The following MMP26 variants were observed in gnomAD, a reference collection of about 807,000 sequenced individuals.
MMP26 encodes matrix metalloproteinase-26.
MMP26 carries 33 observed loss-of-function variants against 31.0 expected under a neutral mutation model. That is an observed-to-expected ratio of 1.06 (90% CI 0.81 to 1.42). The LOEUF is 1.42. Among genes scored for constraint, MMP26 ranks in the 40% most tolerant of loss-of-function variants. MMP26 has a pLI of 0.00. For synonymous variants in MMP26, 122 were observed against 114.9 expected, an observed-to-expected ratio of 1.06 and a Z score of -0.40; for missense variants, 347 against 316.1, an observed-to-expected ratio of 1.10 and a Z score of -0.74.
Position 4,730,404 on chromosome 11 carries a change from A to AAGAGACAGAGAGAGAGAGAGAGAGAGAG in MMP26, c.-217+25364_-217+25365insCAGAGAGAGAGAGAGAGAGAGAGAGAGA, listed in dbSNP as rs141091963. On this transcript the variant is annotated intron_variant, in intron 1 of 7. Transcript: ENST00000380390. ...TATTTTAACACTTAGGTTTCTGGGA[A>AAGAGACAGAGAGAGAGAGAGAGAGAGAG]AGAGAGAGAGAGAGAGAGAGAGAGA... is the stretch of plus-strand genomic sequence containing the variant. Among the ~76,000 whole-genome samples the AAGAGACAGAGAGAGAGAGAGAGAGAGAG allele has an allele frequency of 1.9e-3, 277 of 145,028 alleles. 2 individuals carry two copies. Among genetic ancestry groups the AAGAGACAGAGAGAGAGAGAGAGAGAGAG allele is most frequent in the African/African-American group, 7.0e-3 (267 of 38,172 alleles).
intron 1 of MMP26, among the ~76,000 whole-genome samples, chr11:4,746,877 A>ACACACAC (rs59771619): frequency 2.1e-5 from 3 of 144,536 alleles, no homozygotes; most frequent in African/African-American, 5.0e-5. Context: ...ACACACACAC[A>ACACACAC]AAGGCTATAC....
At chr11:4,707,554 C>T (rs1847796546) in intron 1 of MMP26, among the ~76,000 whole-genome samples, 1 of 152,142 alleles carries the variant, frequency 6.6e-6, no homozygotes, top group African/African-American at 2.4e-5. Flanking sequence ...ATTACTTGCT[C>T]TCCACTTCAA....
chr11:4,866,893 G>A (rs1225750812), intron 2 of MMP26, among the ~76,000 whole-genome samples: 1 of 152,070 alleles, frequency 6.6e-6, no homozygotes, highest in Non-Finnish European at 1.5e-5. Context: ...GCAGAAAACT[G>A]AAACTGGACC....
intron 2 of MMP26, chr11:4,769,536 T>C (rs1298807931): frequency 6.2e-7 from 1 of 1,613,818 alleles, no homozygotes; most frequent in East Asian, 2.2e-5. Context: ...GGGTCACAGA[T>C]GGCCACATAA....
chr11:4,820,059 C>A lies in MMP26; in HGVS notation c.-145+52718C>A, dbSNP rs181895680. On this transcript the variant is annotated intron_variant, in intron 2 of 7. Coordinates refer to ENST00000380390, the MANE Select transcript of MMP26 (RefSeq NM_021801.5). The stretch of plus-strand genomic sequence containing the variant: ...GAATTAACATTTGACACATCAAACT[C>A]CCCTCCAAAGATACCACACGGACCA... Among the ~76,000 whole-genome samples the A allele has an allele frequency of 5.8e-3, 890 of 152,288 alleles. 4 individuals carry two copies. The highest frequency in any genetic ancestry group is 0.014 in the Middle Eastern group (4 of 294).
At position 4,723,137 on chromosome 11, in the gene MMP26, T is replaced by C. The variant is rs1848039447; in HGVS notation, c.-217+18092T>C. 4.4e-6 allele frequency: 7 copies of C among 1,594,292 alleles called. No homozygotes were observed. In the Admixed American group the frequency reaches 1.0e-4, roughly 23 times the overall value. ...GGCCTCCAGCTCGGACAGCTTGGAG[T>C]TGGCATCCTTAATGGCCAGCTCCCC... On this transcript the variant is annotated intron_variant, in intron 1 of 7. Transcript: ENST00000380390.
intron 2 of MMP26, chr11:4,914,552 C>G (rs1045371323): frequency 3.5e-6 from 2 of 567,094 alleles, no homozygotes; most frequent in Non-Finnish European, 6.3e-6. Context: ...TTACCCCCCC[C>G]TGCCCTGGCC....
intron 2 of MMP26, chr11:4,924,043 A>G (rs754739102): frequency 1.3e-5 from 21 of 1,614,036 alleles, no homozygotes; most frequent in Non-Finnish European, 1.6e-5. Context: ...GCTGAGTGAA[A>G]CAGGCAGGGA....
chr11:4,977,063 TTATC>T (rs1193679841), intron 2 of MMP26, among the ~76,000 whole-genome samples: 2 of 151,722 alleles, frequency 1.3e-5, no homozygotes, highest in East Asian at 3.9e-4. Context: ...TTTTTAAATT[TTATC>T]TATTAGTCTG....
chr11:4,923,842 C>T (rs1468903205), intron 2 of MMP26: 26 of 1,613,948 alleles, frequency 1.6e-5, no homozygotes, highest in Non-Finnish European at 2.2e-5. Context: ...ATTGGAAGCG[C>T]TTCAGGAGGA....
chr11:4,776,507 C>T (rs1249439476), intron 2 of MMP26, among the ~76,000 whole-genome samples: 1 of 152,020 alleles, frequency 6.6e-6, no homozygotes, highest in Non-Finnish European at 1.5e-5. Context: ...GATTATATCT[C>T]ATTGTGGCTT....
chr11:4,716,648 C>T (rs1244763642), intron 1 of MMP26, among the ~76,000 whole-genome samples: 2 of 61,478 alleles, frequency 3.3e-5, no homozygotes, highest in African/African-American at 1.1e-4. Flanking sequence ...TCTCTCTTAC[C>T]TCTTTTTTTT....
chr11:4,988,084 C>T lies in MMP26; in HGVS notation c.-128C>T. 1.3e-6 allele frequency: 1 copy of T among 797,310 alleles called. No individual in the cohort carries two copies. Among genetic ancestry groups the T allele is most frequent in the Non-Finnish European group, 2.2e-6 (1 of 450,508 alleles). 49.4% of individuals were successfully genotyped at this position (797,310 alleles called of 1,614,324 possible). A position where few individuals can be genotyped will look rare whatever the true frequency, so the allele number is the denominator to read the frequency against. ...CCTCAGCAGGTATGGATGATGACGC[C>T]ACTCACAGATTCAAAGAAAGGGCAA... is the stretch of plus-strand genomic sequence containing the variant. On this transcript the variant is annotated 5_prime_UTR_variant, in exon 3 of 8. Coordinates refer to ENST00000380390, the MANE Select transcript of MMP26 (RefSeq NM_021801.5).
chr11:4,795,552 G>A lies in MMP26; in HGVS notation c.-145+28211G>A, dbSNP rs141537747. Among the ~76,000 whole-genome samples, 63 of 152,224 alleles carry A rather than the reference G, an allele frequency of 4.1e-4. 1 individual carries two copies. The East Asian group carries it at 0.011, about 27-fold the overall frequency. ...TTGGGCTACATCCAGTTTCAATAAT[G>A]TTTATCAATCACAAGCCGAAATTTA... On this transcript the variant is annotated intron_variant, in intron 2 of 7. Coordinates refer to ENST00000380390, the MANE Select transcript of MMP26 (RefSeq NM_021801.5).
chr11:4,882,403 G>C lies in MMP26; in HGVS notation c.-144-105665G>C, dbSNP rs773110908. 3.1e-6 allele frequency: 5 copies of C among 1,613,862 alleles called. No homozygotes were observed. The Admixed American group carries it at 8.3e-5, about 27-fold the overall frequency. Reference sequence around the variant, plus strand: ...CCCTTCTTGTAGCCATAAACACTGTGTCTTTTCATGGGGGTCACGAGCTTT... The same window carrying C: ...CCCTTCTTGTAGCCATAAACACTGTCTCTTTTCATGGGGGTCACGAGCTTT... On this transcript the variant is annotated intron_variant, in intron 2 of 7. Transcript: ENST00000380390.
intron 1 of MMP26, chr11:4,723,906 G>T: frequency 9.6e-7 from 1 of 1,038,910 alleles, no homozygotes. Context: ...CCTTCTCCTG[G>T]GTGCGCATGG....
chr11:4,833,904 C>A (rs1348754176), intron 2 of MMP26, among the ~76,000 whole-genome samples: 1 of 152,156 alleles, frequency 6.6e-6, no homozygotes, highest in Non-Finnish European at 1.5e-5. Context: ...ATCTCTCTCA[C>A]TAACTATACT....
intron 2 of MMP26, chr11:4,912,510 A>G (rs1318197065): frequency 6.6e-6 from 1 of 152,198 alleles, no homozygotes; most frequent in Non-Finnish European, 1.5e-5. Context: ...TTCTGTATAC[A>G]CAAGCATGAA....
At chr11:4,973,849 A>G (rs1846699924) in intron 2 of MMP26, 1 of 152,202 alleles carries the variant, frequency 6.6e-6, no homozygotes, top group African/African-American at 2.4e-5. Flanking sequence ...AGTAGAAAAT[A>G]GAGATTTCCA....
Sources: gnomAD v4.1 joint callset for allele counts (sites outside exome capture counted in the v4.1 genomes callset) on GRCh38, gnomAD v4.1.1 for gene constraint, MANE v1.5 for transcripts, NCBI Gene and HGNC (gene_info 2026-07-23, HGNC 2026-07-21) for gene names.